The following CCDC93 variants were observed in gnomAD, a reference collection of about 807,000 sequenced individuals.
The protein encoded by CCDC93 is CCC complex scaffolding subunit CCDC93.
Under a neutral mutation model 108.2 loss-of-function variants are expected in CCDC93, and 61 were observed. The ratio of observed to expected loss-of-function variants is 0.56; its 90% CI spans 0.46 to 0.70. CCDC93 has a LOEUF of 0.70. Ranked by LOEUF, CCDC93 falls within the 30% of genes least tolerant of loss-of-function variation. The probability of loss-of-function intolerance (pLI) is 0.00; values close to 1 mark genes in which losing one functional copy is unlikely to be tolerated. For synonymous variants in CCDC93, 276 were observed against 260.4 expected (o/e 1.06, Z -0.58); for missense variants, 685 against 764.2 (o/e 0.90, Z 1.22).
At chr2:117,966,271 CA>C (rs1679570399) in intron 11 of CCDC93, among the ~76,000 whole-genome samples, 1 of 152,214 alleles carries the variant, frequency 6.6e-6, no homozygotes, top group South Asian at 2.1e-4. Context: ...TAAGCCATGA[CA>C]GACAGAGGAC....
In CCDC93 at chr2:117,920,176, C is replaced by T; in HGVS notation, c.*167G>A. ...TACTGTCTGACTCCATCAACAGCAG[C>T]CAACAGAGATGAATGGAAGCAAAGA... On this transcript the variant is annotated 3_prime_UTR_variant, in exon 24 of 24. Transcript: ENST00000376300. 1.9e-6 allele frequency: 1 copy of T among 532,958 alleles called. No homozygotes were observed. Among genetic ancestry groups the T allele is most frequent in the Non-Finnish European group, 3.4e-6 (1 of 294,038 alleles). 33.0% of individuals were successfully genotyped at this position (532,958 alleles called of 1,614,324 possible). A position where few individuals can be genotyped will look rare whatever the true frequency, so the allele number is the denominator to read the frequency against.
intron 11 of CCDC93, among the ~76,000 whole-genome samples, chr2:117,962,237 C>T (rs1301758238): frequency 2.0e-5 from 3 of 152,224 alleles, no homozygotes; most frequent in African/African-American, 4.8e-5. Flanking sequence ...CCCTACCCCA[C>T]CAAAATATGG....
At chr2:118,007,834 G>A (rs1421143630) in intron 2 of CCDC93, among the ~76,000 whole-genome samples, 1 of 152,220 alleles carries the variant, frequency 6.6e-6, no homozygotes, top group Non-Finnish European at 1.5e-5. Flanking sequence ...AAATAACCCA[G>A]AGTGATTCTG....
chr2:117,945,455 C>T, intron 17 of CCDC93, 74 bp downstream of exon 17: 1 of 1,194,268 alleles, frequency 8.4e-7, no homozygotes, highest in Non-Finnish European at 1.2e-6. Context: ...GCATGAGAAG[C>T]CATCACAGGA....
At position 117,939,089 on chromosome 2, in the gene CCDC93, G is replaced by T; in HGVS notation, c.1545C>A (p.Thr515=). ...YRQISAVHKE[T]KQFFTLYNTL... ...TATTATATAAAGTGAAGAACTGCTT[G>T]GTTTCTTTGTGCACTGCTGAAACTG... is the stretch of plus-strand genomic sequence containing the variant. The change falls in exon 20 of 24, where the codon ACC becomes ACA. Residue 515 remains threonine, a synonymous_variant. Coordinates refer to ENST00000376300, the MANE Select transcript of CCDC93 (RefSeq NM_019044.5). 1 of 1,607,418 alleles carries T rather than the reference G, an allele frequency of 6.2e-7. No individual in the cohort carries two copies. Among genetic ancestry groups the T allele is most frequent in the Non-Finnish European group, 8.5e-7 (1 of 1,174,440 alleles).
At chr2:118,004,895 T>C (rs1021749386) in intron 3 of CCDC93, among the ~76,000 whole-genome samples, 1 of 152,166 alleles carries the variant, frequency 6.6e-6, no homozygotes, top group African/African-American at 2.4e-5. Context: ...TTAGATTTAG[T>C]TCCTTAGAAT....
At position 117,953,783 on chromosome 2, in the gene CCDC93, A is replaced by G. The variant is rs1379168330; in HGVS notation, c.1006-1348T>C. On this transcript the variant is annotated intron_variant, in intron 12 of 23. Coordinates refer to ENST00000376300, the MANE Select transcript of CCDC93 (RefSeq NM_019044.5). ...TGGTGGTGTTCCTGTGGTCCCGACT[A>G]TGTGGAAGGCTGAGGTGGAAGGATT... Among the ~76,000 whole-genome samples the G allele has an allele frequency of 2.0e-5, 3 of 151,578 alleles. 1 individual carries two copies. The highest frequency in any genetic ancestry group is 4.2e-4 in the South Asian group (2 of 4,790).
intron 23 of CCDC93, among the ~76,000 whole-genome samples, chr2:117,925,240 CATA>C (rs1473534988): frequency 6.6e-6 from 1 of 152,200 alleles, no homozygotes; most frequent in East Asian, 1.9e-4. Flanking sequence ...CAGCTACCAT[CATA>C]ATGACAGGAT....
intron 10 of CCDC93, among the ~76,000 whole-genome samples, chr2:117,974,237 C>T (rs1024649320): frequency 2.0e-5 from 3 of 152,098 alleles, no homozygotes; most frequent in Non-Finnish European, 4.4e-5. Flanking sequence ...ACCCTGGGCA[C>T]CCCTGGAAAA....
chr2:117,954,775 C>G (rs1007237417), intron 12 of CCDC93, among the ~76,000 whole-genome samples: 3 of 152,170 alleles, frequency 2.0e-5, no homozygotes, highest in African/African-American at 4.8e-5. Flanking sequence ...CCCCACGTGT[C>G]GTGGGAGGGA....
intron 5 of CCDC93, 106 bp downstream of exon 5, chr2:117,996,158 C>A: frequency 1.5e-6 from 1 of 647,468 alleles, no homozygotes; most frequent in South Asian, 2.1e-5. Flanking sequence ...CCAAGTGGGG[C>A]TGAGAATGTA....
intron 13 of CCDC93, 64 bp from the exon 14 acceptor site, chr2:117,949,459 T>G (rs751659044): frequency 1.0e-5 from 12 of 1,156,858 alleles, no homozygotes; most frequent in Non-Finnish European, 1.5e-5. Context: ...AACTTCACCT[T>G]CTTTTTGTGA....
chr2:117,958,022 G>A (rs537113909), intron 12 of CCDC93, among the ~76,000 whole-genome samples: 5 of 152,230 alleles, frequency 3.3e-5, no homozygotes, highest in African/African-American at 7.2e-5. Flanking sequence ...AGTAGTGCTC[G>A]GTAGATATTT....
At chr2:117,946,538 A>G (rs1005325636) in intron 16 of CCDC93, among the ~76,000 whole-genome samples, 1 of 152,220 alleles carries the variant, frequency 6.6e-6, no homozygotes, top group Non-Finnish European at 1.5e-5. Flanking sequence ...GACTTTTCCC[A>G]GAAACATCTC....
At chr2:117,974,932 G>C (rs1679884961) in intron 9 of CCDC93, 32 bp from the exon 10 acceptor site, 3 of 1,548,164 alleles carry the variant, frequency 1.9e-6, no homozygotes, top group Non-Finnish European at 2.6e-6. Flanking sequence ...GCAGCAGTGA[G>C]TGGTTCTGAA....
chr2:117,935,685 A>T, intron 21 of CCDC93, 106 bp from the exon 22 acceptor site: 1 of 800,972 alleles, frequency 1.2e-6, no homozygotes, highest in Non-Finnish European at 2.0e-6. Context: ...TAGGAGAGGC[A>T]ATCAGGTCTT....
intron 11 of CCDC93, among the ~76,000 whole-genome samples, chr2:117,972,997 C>A (rs1679812167): frequency 6.6e-6 from 1 of 152,148 alleles, no homozygotes; most frequent in Admixed American, 6.6e-5. Flanking sequence ...TTCGCTTGCA[C>A]AAGGGTCCTT....
chr2:117,928,875 G>A (rs1678221153), intron 23 of CCDC93, among the ~76,000 whole-genome samples: 1 of 152,160 alleles, frequency 6.6e-6, no homozygotes, highest in African/African-American at 2.4e-5. Context: ...GTCCAACAAT[G>A]ATAGACTGGA....
chr2:117,973,796 G>T, intron 11 of CCDC93, 112 bp downstream of exon 11: 3 of 770,812 alleles, frequency 3.9e-6, no homozygotes, highest in Non-Finnish European at 6.7e-6. Flanking sequence ...TAACGTGGCT[G>T]GTGAGTTACA....
Sources: allele counts gnomAD v4.1 joint callset (sites outside exome capture counted in the v4.1 genomes callset), GRCh38; gene constraint gnomAD v4.1.1; transcripts MANE v1.5; gene names NCBI Gene and HGNC (gene_info 2026-07-23, HGNC 2026-07-21).